NME6: variants seen among roughly 807,000 people sequenced by gnomAD.
The protein encoded by NME6 is nucleoside diphosphate kinase 6, mitochondrial.
NME6 carries 16 observed loss-of-function variants against 22.2 expected under a neutral mutation model. The observed-to-expected ratio is 0.72, with a 90% CI of 0.49 to 1.09. The LOEUF is 1.09. NME6 is among the 50% of genes least tolerant of loss of function. The pLI, the probability that NME6 is intolerant of heterozygous loss-of-function variation, is 0.00. For synonymous variants in NME6, 58 were observed against 85.2 expected, an observed-to-expected ratio of 0.68 and a Z score of 1.76; for missense variants, 229 against 239.0, an observed-to-expected ratio of 0.96 and a Z score of 0.28.
At chr3:48,299,157 AG>A (rs955653559) in intron 1 of NME6, 1 of 528,864 alleles carries the variant, frequency 1.9e-6, no homozygotes, top group Middle Eastern at 2.8e-4. Flanking sequence ...CTCCAACATC[AG>A]GAACAAGTCA....
chr3:48,290,422 C>T (rs1039145549), downstream of NME6, among the ~76,000 whole-genome samples: 8 of 152,154 alleles, frequency 5.3e-5, no homozygotes, highest in South Asian at 8.3e-4. Context: ...ATAATTAAAT[C>T]GAGCTAGTTA....
chr3:48,295,491 G>T, intron 4 of NME6: 1 of 453,908 alleles, frequency 2.2e-6, no homozygotes, highest in East Asian at 3.5e-5. Flanking sequence ...TAACAGGTCA[G>T]CATCGGCTCA....
intron 1 of NME6, 168 bp downstream of exon 1, chr3:48,301,185 C>T (rs2035662862): frequency 7.3e-7 from 1 of 1,368,692 alleles, no homozygotes; most frequent in African/African-American, 1.5e-5. Context: ...CCCCCGTGGC[C>T]ACGCCCTCCA....
intron 1 of NME6, chr3:48,299,351 G>C (rs1405195574): frequency 5.8e-6 from 1 of 173,024 alleles, no homozygotes; most frequent in Non-Finnish European, 1.2e-5. Context: ...ACTGGACTAA[G>C]GGAATTTTGA....
downstream of NME6, chr3:48,291,995 G>T (rs2034532972): frequency 6.6e-6 from 1 of 152,252 alleles, no homozygotes; most frequent in Non-Finnish European, 1.5e-5. Flanking sequence ...TCGATCTCCT[G>T]ACCTTGTGAT....
At chr3:48,291,319 G>T, downstream of NME6, 1 of 477,938 alleles carries the variant, frequency 2.1e-6, no homozygotes, top group Admixed American at 2.4e-5. Context: ...TGTGATATCA[G>T]AGACTAAGCA....
At chr3:48,296,085 G>A in intron 4 of NME6, 34 bp downstream of exon 4, 1 of 1,367,182 alleles carries the variant, frequency 7.3e-7, no homozygotes, top group Non-Finnish European at 1.0e-6. Context: ...ATTAGCCTCA[G>A]TGGATAAAGA....
chr3:48,288,144 G>A (rs1363487859), downstream of NME6, among the ~76,000 whole-genome samples: 3 of 152,036 alleles, frequency 2.0e-5, no homozygotes, highest in South Asian at 2.1e-4. Context: ...ACTTTGAGAG[G>A]CCGAGATGGG....
At chr3:48,295,296 G>C in intron 4 of NME6, 61 bp from the exon 5 acceptor site, 1 of 1,522,846 alleles carries the variant, frequency 6.6e-7, no homozygotes, top group Non-Finnish European at 8.9e-7. Flanking sequence ...GGTGTGCTGT[G>C]AGCAGGGCCT....
At chr3:48,300,071 C>CT (rs1354536155) in intron 1 of NME6, among the ~76,000 whole-genome samples, 1 of 152,230 alleles carries the variant, frequency 6.6e-6, no homozygotes, top group African/African-American at 2.4e-5. Context: ...CTCTGGACAT[C>CT]TTGACAGCCT....
downstream of NME6, among the ~76,000 whole-genome samples, chr3:48,289,330 A>G (rs145060409): frequency 6.6e-6 from 1 of 152,156 alleles, no homozygotes; most frequent in Non-Finnish European, 1.5e-5. Context: ...CGGCCTCCCA[A>G]AGTGCCAGGA....
At position 48,294,819 on chromosome 3, in the gene NME6, A is replaced by C. The variant is rs764016364; in HGVS notation, c.395-16T>G. 8 of 1,610,690 alleles carry C rather than the reference A, an allele frequency of 5.0e-6. No homozygotes were observed. Among genetic ancestry groups the C allele is most frequent in the Non-Finnish European group, 5.9e-6 (7 of 1,177,218 alleles). Reference sequence around the variant, plus strand: ...ACCACAGAGTCTGTAAGGGGAGATAAGACAGAGAAGGGGTTCTCACATGGT... The same window carrying C: ...ACCACAGAGTCTGTAAGGGGAGATACGACAGAGAAGGGGTTCTCACATGGT... On this transcript the variant is annotated splice_polypyrimidine_tract_variant and intron_variant, in intron 5 of 5. Transcript: ENST00000442597.
chr3:48,298,276 A>AC (rs1479520408), intron 2 of NME6, 151 bp downstream of exon 2: 1 of 699,340 alleles, frequency 1.4e-6, no homozygotes, highest in African/African-American at 1.8e-5. Context: ...ATGGATTCTT[A>AC]GTCTCCTTAG....
chr3:48,295,864 T>C (rs1290138784), intron 4 of NME6: 6 of 511,550 alleles, frequency 1.2e-5, no homozygotes, highest in African/African-American at 3.9e-5. Flanking sequence ...TACAGGCACC[T>C]GCCACCATGC....
chr3:48,300,231 A>C (rs1268865911), intron 1 of NME6: 1 of 456,710 alleles, frequency 2.2e-6, no homozygotes, highest in Non-Finnish European at 4.4e-6. Flanking sequence ...CAAAATCCTT[A>C]TCACGGCCTC....
chr3:48,295,771 A>T (rs1230132110), intron 4 of NME6: 1 of 336,902 alleles, frequency 3.0e-6, no homozygotes, highest in Non-Finnish European at 5.5e-6. Context: ...GCTAGAGTGC[A>T]GTGCCACGAT....
Position 48,301,342 on chromosome 3 carries a change from T to C in NME6, c.-8+11A>G, listed in dbSNP as rs759861006. On this transcript the variant is annotated intron_variant, in intron 1 of 5. Coordinates refer to ENST00000442597, the MANE Select transcript of NME6 (RefSeq NM_001308426.2). Reference sequence around the variant, plus strand: ...AGCCCCAGTGCAGCAGAAGTCCGGCTGCGGGTTCACCTTGTCCTCCGGCAC... The same window carrying C: ...AGCCCCAGTGCAGCAGAAGTCCGGCCGCGGGTTCACCTTGTCCTCCGGCAC... The C allele has an allele frequency of 6.4e-7, 1 of 1,572,732 alleles. No individual in the cohort carries two copies.
In NME6 at chr3:48,295,074, C is replaced by T. The variant is rs2034921923; in HGVS notation, c.394+1G>A. On this transcript the variant is annotated splice_donor_variant, in intron 5 of 5. Transcript: ENST00000442597. LOFTEE classifies it high-confidence loss of function. Reference sequence around the variant, plus strand: ...CCTATGGCTATGGACAGGGGACTCACCCGAACCATGGGTGGTGTTGCGGGT... The same window carrying T: ...CCTATGGCTATGGACAGGGGACTCATCCGAACCATGGGTGGTGTTGCGGGT... The T allele has an allele frequency of 1.2e-6, 2 of 1,613,812 alleles. No homozygotes were observed. The highest frequency in any genetic ancestry group is 1.7e-6 in the Non-Finnish European group (2 of 1,179,874).
Position 48,294,770 on chromosome 3 carries a change from G to C in NME6, c.428C>G (p.Ala143Gly). ...SVVSASREIA[A>G]FFPDFSEQRW... is the part of the protein sequence containing the mutation. ...CTGTTCACTGAAGTCAGGGAAGAAG[G>C]CTGCAATCTCTCTGCTGGCTGAAAC... Residue 143 changes from alanine to glycine, a missense_variant, in exon 6 of 6, where the codon GCC becomes GGC. Transcript: ENST00000442597. 1 of 1,614,126 alleles carries C rather than the reference G, an allele frequency of 6.2e-7. No individual in the cohort carries two copies. Among genetic ancestry groups the C allele is most frequent in the Non-Finnish European group, 8.5e-7 (1 of 1,179,996 alleles).
Sources: allele counts gnomAD v4.1 joint callset (sites outside exome capture counted in the v4.1 genomes callset), GRCh38; gene constraint gnomAD v4.1.1; transcripts MANE v1.5; gene names NCBI Gene and HGNC (gene_info 2026-07-23, HGNC 2026-07-21).